PLCB4: variants seen among roughly 807,000 people sequenced by gnomAD.
PLCB4 encodes 1-phosphatidylinositol 4,5-bisphosphate phosphodiesterase beta-4.
A neutral mutation model predicts 178.8 loss-of-function variants in PLCB4; 77 were observed. The observed-to-expected ratio is 0.43, with a 90% CI of 0.36 to 0.52. PLCB4 has a LOEUF of 0.52. PLCB4 is among the 20% of genes least tolerant of loss of function. PLCB4 has a pLI of 0.00. For synonymous variants in PLCB4, 496 were observed against 490.8 expected, an observed-to-expected ratio of 1.01 and a Z score of -0.14; for missense variants, 1,024 against 1,453.4, an observed-to-expected ratio of 0.70 and a Z score of 4.80.
At position 9,407,554 on chromosome 20, in the gene PLCB4, A is replaced by G. The variant is rs139637537; in HGVS notation, c.1648-363A>G. 5.4e-3 allele frequency among the ~76,000 whole-genome samples: 823 copies of G among 152,224 alleles called. 8 individuals are homozygous for G. The highest frequency in any genetic ancestry group is 0.019 in the African/African-American group (789 of 41,540). ...CCAGCTAATTTTTGGCATTTTTAGT[A>G]GAGATGGGGTTTTGCCATGTTCGCC... On this transcript the variant is annotated intron_variant, in intron 21 of 39. Transcript: ENST00000378473.
At chr20:9,167,854 A>G (rs531583000) in intron 2 of PLCB4, among the ~76,000 whole-genome samples, 8 of 152,372 alleles carry the variant, frequency 5.3e-5, no homozygotes, top group African/African-American at 1.7e-4. Context: ...CGGTGAAACC[A>G]TGACTAGCCA....
intron 17 of PLCB4, 119 bp from the exon 18 acceptor site, chr20:9,393,469 T>C: frequency 1.6e-6 from 1 of 634,378 alleles, no homozygotes; most frequent in Non-Finnish European, 2.8e-6. Flanking sequence ...CTGTGCCGCC[T>C]GCCATCTAGT....
At chr20:9,305,305 G>C (rs982866110) in intron 3 of PLCB4, among the ~76,000 whole-genome samples, 6 of 151,666 alleles carry the variant, frequency 4.0e-5, no homozygotes, top group Non-Finnish European at 7.4e-5. Context: ...TGGGAGTTAT[G>C]TTTTTTTAAT....
chr20:9,339,343 G>C (rs1044107272), intron 7 of PLCB4, among the ~76,000 whole-genome samples: 6 of 152,022 alleles, frequency 3.9e-5, no homozygotes, highest in African/African-American at 1.4e-4. Context: ...TGATTCAATA[G>C]GTCTGAGGTG....
intron 21 of PLCB4, among the ~76,000 whole-genome samples, chr20:9,407,062 A>G (rs930169588): frequency 6.6e-6 from 1 of 152,188 alleles, no homozygotes; most frequent in African/African-American, 2.4e-5. Context: ...AGTGCTTTTT[A>G]AATACTATAA....
chr20:9,217,344 TCTAAAAGTC>T (rs2093744856), intron 2 of PLCB4, 37 bp from the exon 3 acceptor site: 1 of 152,194 alleles, frequency 6.6e-6, no homozygotes, highest in African/African-American at 2.4e-5. Context: ...CCATGAAAAC[TCTAAAAGTC>T]CTTTACATCG....
chr20:9,298,584 T>C (rs2094667061), intron 3 of PLCB4, among the ~76,000 whole-genome samples: 1 of 152,108 alleles, frequency 6.6e-6, no homozygotes, highest in Admixed American at 6.6e-5. Context: ...TGTCATCTAA[T>C]ACATTTATAA....
intron 33 of PLCB4, among the ~76,000 whole-genome samples, chr20:9,455,294 A>G (rs1400390718): frequency 1.3e-5 from 2 of 152,218 alleles, no homozygotes; most frequent in Non-Finnish European, 2.9e-5. Context: ...TTAGAAACAC[A>G]GTTTTGGCTT....
chr20:9,186,487 G>T (rs2093330524), intron 2 of PLCB4, among the ~76,000 whole-genome samples: 1 of 152,114 alleles, frequency 6.6e-6, no homozygotes, highest in South Asian at 2.1e-4. Flanking sequence ...CCACTTATCT[G>T]AAACCAACTA....
chr20:9,097,512 C>T (rs1330951518), intron 2 of PLCB4, among the ~76,000 whole-genome samples: 2 of 152,020 alleles, frequency 1.3e-5, no homozygotes, highest in African/African-American at 4.8e-5. Flanking sequence ...TCATGTTATC[C>T]TCTAGTTGGC....
At chr20:9,076,496 A>C (rs2089874520) in intron 1 of PLCB4, among the ~76,000 whole-genome samples, 1 of 151,966 alleles carries the variant, frequency 6.6e-6, no homozygotes, top group Non-Finnish European at 1.5e-5. Context: ...AAAAAATAAC[A>C]CCCAAGTGTA....
chr20:9,408,676 C>A lies in PLCB4; in HGVS notation c.1833C>A (p.Val611=), dbSNP rs778436381. ...HYNMSSFNES[V]GLGYLKTHAI... is the part of the protein sequence containing the mutation. ...ACATGTCTTCTTTTAATGAATCAGT[C>A]GGTCTTGGCTACTTGAAGACACATG... is the stretch of plus-strand genomic sequence containing the variant. Residue 611 remains valine, a synonymous_variant, in exon 23 of 40, where the codon GTC becomes GTA. Coordinates refer to ENST00000378473, the MANE Select transcript of PLCB4 (RefSeq NM_001377142.1). 1.9e-6 allele frequency: 3 copies of A among 1,591,240 alleles called. No individual in the cohort carries two copies. Among genetic ancestry groups the A allele is most frequent in the African/African-American group, 1.3e-5 (1 of 74,636 alleles).
At chr20:9,388,885 A>G (rs2037903619) in intron 15 of PLCB4, among the ~76,000 whole-genome samples, 2 of 152,230 alleles carry the variant, frequency 1.3e-5, no homozygotes, top group Admixed American at 1.3e-4. Context: ...AGGAAGAATA[A>G]CTAAATGACT....
chr20:9,154,352 T>G (rs2092744576), intron 2 of PLCB4, among the ~76,000 whole-genome samples: 1 of 152,210 alleles, frequency 6.6e-6, no homozygotes, highest in African/African-American at 2.4e-5. Context: ...TGGGGCTCTC[T>G]TACTGATGAT....
intron 3 of PLCB4, among the ~76,000 whole-genome samples, chr20:9,221,856 C>T (rs1248853351): frequency 6.6e-6 from 1 of 152,086 alleles, no homozygotes; most frequent in East Asian, 1.9e-4. Flanking sequence ...ATTATTCTTA[C>T]TAGGAACATT....
chr20:9,471,277 T>C (rs1374121076), intron 36 of PLCB4, among the ~76,000 whole-genome samples: 3 of 151,932 alleles, frequency 2.0e-5, no homozygotes, highest in African/African-American at 7.2e-5. Context: ...AGATCTCTGA[T>C]GGAAAGAAAT....
intron 3 of PLCB4, among the ~76,000 whole-genome samples, chr20:9,302,296 C>A (rs2094714955): frequency 6.6e-6 from 1 of 152,002 alleles, no homozygotes; most frequent in Non-Finnish European, 1.5e-5. Flanking sequence ...CTTTAACATT[C>A]TCTGCAGTCA....
At chr20:9,307,492 A>AAT (rs145140014) in intron 3 of PLCB4, among the ~76,000 whole-genome samples, 11,865 of 88,356 alleles carry the variant, frequency 0.13, 629 homozygotes, top group East Asian at 0.18. Flanking sequence ...TTAAAAAAAG[A>AAT]ATACACACAC....
chr20:9,367,702 C>A (rs185924563), intron 9 of PLCB4, among the ~76,000 whole-genome samples: 36 of 152,330 alleles, frequency 2.4e-4, no homozygotes, highest in Non-Finnish European at 3.8e-4. Context: ...GATCAAAGCA[C>A]TTCTAACCAG....
Sources: allele counts gnomAD v4.1 joint callset (sites outside exome capture counted in the v4.1 genomes callset), GRCh38; gene constraint gnomAD v4.1.1; transcripts MANE v1.5; gene names NCBI Gene and HGNC (gene_info 2026-07-23, HGNC 2026-07-21).